The following AKT3 variants were observed in gnomAD, a reference collection of about 807,000 sequenced individuals.
AKT3 encodes RAC-gamma serine/threonine-protein kinase.
Under a neutral mutation model 65.3 loss-of-function variants are expected in AKT3, and 15 were observed. That is an observed-to-expected ratio of 0.23 (90% CI 0.15 to 0.35). The LOEUF (loss-of-function observed/expected upper bound fraction) is 0.35. Ranked by LOEUF, AKT3 falls within the 10% of genes least tolerant of loss-of-function variation. The pLI, the probability that AKT3 is intolerant of heterozygous loss-of-function variation, is 1.00. For missense variants in AKT3, 243 were observed against 576.5 expected (o/e 0.42, Z 5.92); for synonymous variants, 206 against 183.8 (o/e 1.12, Z -0.98).
chr1:243,700,149 C>T (rs1468638064), intron 2 of AKT3, among the ~76,000 whole-genome samples: 1 of 152,154 alleles, frequency 6.6e-6, no homozygotes, highest in Non-Finnish European at 1.5e-5. Flanking sequence ...GGCTTGCTAA[C>T]AGAGCTAAAA....
chr1:243,653,036 C>CAA (rs988897523), intron 4 of AKT3, among the ~76,000 whole-genome samples: 2 of 147,090 alleles, frequency 1.4e-5, no homozygotes, highest in African/African-American at 5.0e-5. Context: ...AAAAACCCTT[C>CAA]AAAAAAAAAA....
At chr1:243,727,154 T>C (rs971853663) in intron 2 of AKT3, among the ~76,000 whole-genome samples, 2 of 152,152 alleles carry the variant, frequency 1.3e-5, no homozygotes, top group South Asian at 2.1e-4. Flanking sequence ...TGAATACACA[T>C]TGTGGGTCAA....
chr1:243,723,149 A>G (rs868607089), intron 2 of AKT3, among the ~76,000 whole-genome samples: 4 of 152,198 alleles, frequency 2.6e-5, no homozygotes, highest in East Asian at 1.9e-4. Context: ...TAACGAAAAT[A>G]ATGTTAGCTG....
chr1:243,634,634 T>C (rs773571788), intron 6 of AKT3, among the ~76,000 whole-genome samples: 1 of 151,870 alleles, frequency 6.6e-6, no homozygotes, highest in Non-Finnish European at 1.5e-5. Flanking sequence ...ACTGCCATAG[T>C]AACCAAAAGA....
intron 2 of AKT3, among the ~76,000 whole-genome samples, chr1:243,750,740 C>T (rs1688761902): frequency 6.6e-6 from 1 of 151,860 alleles, no homozygotes; most frequent in African/African-American, 2.4e-5. Flanking sequence ...TGCCATCACA[C>T]CTGGCTAATT....
intron 12 of AKT3, among the ~76,000 whole-genome samples, chr1:243,525,949 C>A (rs551752479): frequency 6.7e-6 from 1 of 150,128 alleles, no homozygotes; most frequent in East Asian, 2.0e-4. Context: ...TCAGGCAACT[C>A]CAAGCAGAAT....
chr1:243,789,341 G>A (rs965324566), intron 2 of AKT3, among the ~76,000 whole-genome samples: 2 of 152,178 alleles, frequency 1.3e-5, no homozygotes, highest in Admixed American at 6.5e-5. Flanking sequence ...AGCTAGGATC[G>A]TGCCACTGTA....
intron 6 of AKT3, among the ~76,000 whole-genome samples, chr1:243,634,019 CTA>C (rs1272166988): frequency 6.6e-6 from 1 of 152,046 alleles, no homozygotes; most frequent in African/African-American, 2.4e-5. Context: ...GTACCAAACT[CTA>C]TAAAGTCATT....
At chr1:243,626,097 A>C (rs1295903707) in intron 6 of AKT3, among the ~76,000 whole-genome samples, 1 of 152,176 alleles carries the variant, frequency 6.6e-6, no homozygotes, top group Non-Finnish European at 1.5e-5. Flanking sequence ...ATCATGGTAA[A>C]TACTGTGACT....
chr1:243,818,876 G>A (rs1205317632), intron 2 of AKT3, among the ~76,000 whole-genome samples: 1 of 152,090 alleles, frequency 6.6e-6, no homozygotes. Flanking sequence ...GGAGAGTGAG[G>A]AAAAGAAGGG....
chr1:243,514,209 A>T (rs1558579721), intron 12 of AKT3, among the ~76,000 whole-genome samples: 1 of 152,160 alleles, frequency 6.6e-6, no homozygotes, highest in Non-Finnish European at 1.5e-5. Context: ...CACTAGGAGT[A>T]GGTTTGCTCA....
chr1:243,726,186 G>A (rs1050147721), intron 2 of AKT3, among the ~76,000 whole-genome samples: 1 of 152,116 alleles, frequency 6.6e-6, no homozygotes, highest in Non-Finnish European at 1.5e-5. Context: ...TCCAACTGGA[G>A]GTTAACCCAC....
At chr1:243,583,168 G>GTA (rs1425079716) in intron 8 of AKT3, among the ~76,000 whole-genome samples, 1 of 113,248 alleles carries the variant, frequency 8.8e-6, no homozygotes, top group South Asian at 3.0e-4. Context: ...GTATATGTGT[G>GTA]TGTATATATA....
intron 2 of AKT3, among the ~76,000 whole-genome samples, chr1:243,827,980 T>C (rs1237253786): frequency 3.3e-5 from 5 of 152,156 alleles, no homozygotes; most frequent in Non-Finnish European, 7.4e-5. Context: ...TTGATATTGA[T>C]AGTTAGCAAG....
chr1:243,709,928 C>A (rs1357118934), intron 2 of AKT3, among the ~76,000 whole-genome samples: 1 of 152,026 alleles, frequency 6.6e-6, no homozygotes, highest in Non-Finnish European at 1.5e-5. Flanking sequence ...GCCTTTGTAT[C>A]TTAATCATCT....
intron 6 of AKT3, among the ~76,000 whole-genome samples, chr1:243,616,584 G>T (rs1333225498): frequency 6.6e-6 from 1 of 152,118 alleles, no homozygotes; most frequent in Non-Finnish European, 1.5e-5. Context: ...TTCACTTCTG[G>T]CAAGATCTTA....
intron 8 of AKT3, among the ~76,000 whole-genome samples, chr1:243,597,454 T>C (rs1267915740): frequency 1.3e-5 from 2 of 151,976 alleles, no homozygotes; most frequent in Admixed American, 1.3e-4. Flanking sequence ...CCTCAAAAAA[T>C]ACTTGTAATT....
intron 2 of AKT3, among the ~76,000 whole-genome samples, chr1:243,782,543 C>T (rs1690981562): frequency 6.6e-6 from 1 of 152,128 alleles, no homozygotes; most frequent in African/African-American, 2.4e-5. Flanking sequence ...CCCAAAGCCC[C>T]TTTTCTTAAC....
intron 2 of AKT3, among the ~76,000 whole-genome samples, chr1:243,836,172 G>A (rs367639388): frequency 9.2e-5 from 14 of 151,838 alleles, no homozygotes; most frequent in African/African-American, 3.4e-4. Flanking sequence ...ACAAAACAAA[G>A]ACTAAATATA....
Sources: allele counts gnomAD v4.1 joint callset (sites outside exome capture counted in the v4.1 genomes callset), GRCh38; gene constraint gnomAD v4.1.1; transcripts MANE v1.5; gene names NCBI Gene and HGNC (gene_info 2026-07-23, HGNC 2026-07-21).